The following TULP4 variants were observed in gnomAD, a reference collection of about 807,000 sequenced individuals.
TULP4 encodes the protein TUB like protein 4, also known as tubby-related protein 4.
Under a neutral mutation model 129.0 loss-of-function variants are expected in TULP4, and 16 were observed. The observed-to-expected ratio is 0.12, with a 90% CI of 0.08 to 0.19. The LOEUF (loss-of-function observed/expected upper bound fraction) is 0.19, where lower values mean the gene tolerates loss of function less well. Among genes scored for constraint, TULP4 ranks in the 10% least tolerant of loss-of-function variants. TULP4 has a pLI of 1.00. For synonymous variants in TULP4, 998 were observed against 854.0 expected (o/e 1.17, Z -2.94); for missense variants, 1,842 against 2,059.1 (o/e 0.89, Z 2.04).
intron 1 of TULP4, among the ~76,000 whole-genome samples, chr6:158,264,518 T>A (rs2128458889): frequency 6.6e-6 from 1 of 152,258 alleles, no homozygotes; most frequent in Non-Finnish European, 1.5e-5. Flanking sequence ...TAGTATGACA[T>A]CTTACTGGAG....
upstream of TULP4, among the ~76,000 whole-genome samples, chr6:158,279,722 C>T (rs1003142764): frequency 2.0e-5 from 3 of 152,196 alleles, no homozygotes; most frequent in African/African-American, 7.2e-5. Flanking sequence ...GGCCTCTTTC[C>T]TCCTCCTCCC....
chr6:158,396,547 C>T (rs1055918757), intron 1 of TULP4, among the ~76,000 whole-genome samples: 1 of 152,102 alleles, frequency 6.6e-6, no homozygotes, highest in African/African-American at 2.4e-5. Flanking sequence ...AGTTGATCCT[C>T]AGAAAATATA....
chr6:158,298,448 G>A (rs1779076386), intron 1 of TULP4, among the ~76,000 whole-genome samples: 1 of 152,096 alleles, frequency 6.6e-6, no homozygotes, highest in African/African-American at 2.4e-5. Context: ...CTCCGTTTGG[G>A]GTCCCTGACT....
rs1199409058 is a variant in TULP4, at chr6:158,493,656, A to T, written c.1715A>T (p.Lys572Met). 2 of 1,599,008 alleles carry T rather than the reference A, an allele frequency of 1.3e-6. No homozygotes were observed. Among genetic ancestry groups the T allele is most frequent in the Non-Finnish European group, 8.5e-7 (1 of 1,173,112 alleles). The change falls in exon 10 of 14, where the codon AAG (lysine) becomes ATG (methionine). Residue 572 changes from lysine (K) to methionine (M), a missense_variant. Lys to Met is a moderately conservative substitution (Grantham distance 95). This residue lies in a region of TULP4 where 456 missense variants were observed against 534.3 expected (regional missense o/e 0.85). Coordinates refer to ENST00000367097, the MANE Select transcript of TULP4 (RefSeq NM_020245.5). The surrounding 1 kb of genome is among the most constrained non-coding windows in gnomAD (Gnocchi z 4.4). ...LSRSPRLPLR[K>M]PSVGSPSLTR... is the part of the protein sequence containing the mutation. ...CGGTCCCCACGGTTGCCCCTGCGCAAGCCCTCTGTGGGCTCGCCCAGCCTG... is the reference window on the plus strand; with the variant it reads ...CGGTCCCCACGGTTGCCCCTGCGCATGCCCTCTGTGGGCTCGCCCAGCCTG...
chr6:158,245,870 A>G (rs1012386271), intron 1 of TULP4, among the ~76,000 whole-genome samples: 2 of 152,214 alleles, frequency 1.3e-5, no homozygotes, highest in Admixed American at 6.5e-5. Flanking sequence ...CTGAGCCGAG[A>G]GGATCTAAGC....
chr6:158,297,245 G>T (rs1483696221), intron 1 of TULP4, among the ~76,000 whole-genome samples: 1 of 152,130 alleles, frequency 6.6e-6, no homozygotes, highest in Non-Finnish European at 1.5e-5. Flanking sequence ...CCATTTATAG[G>T]CTCTCTGCAA....
intron 6 of TULP4, among the ~76,000 whole-genome samples, chr6:158,475,501 A>T (rs1779797893): frequency 6.6e-6 from 1 of 152,248 alleles, no homozygotes; most frequent in African/African-American, 2.4e-5. Flanking sequence ...AGAGATTAAG[A>T]CCGCAAACTT....
At chr6:158,417,921 A>T (rs1337354685) in intron 2 of TULP4, among the ~76,000 whole-genome samples, 1 of 152,136 alleles carries the variant, frequency 6.6e-6, no homozygotes, top group Non-Finnish European at 1.5e-5. Flanking sequence ...CGGCTGTACC[A>T]GGCACACACA....
intron 2 of TULP4, among the ~76,000 whole-genome samples, chr6:158,416,928 C>A (rs1325061743): frequency 1.3e-5 from 2 of 152,164 alleles, no homozygotes; most frequent in African/African-American, 4.8e-5. Flanking sequence ...CTACAGTGTT[C>A]AACACAATCA....
upstream of TULP4, among the ~76,000 whole-genome samples, chr6:158,309,308 G>A (rs1008404170): frequency 4.2e-4 from 60 of 144,018 alleles, 1 homozygote; most frequent in African/African-American, 1.5e-3. Context: ...GCGGGGCAGA[G>A]GCGCTCCCCA....
At chr6:158,336,425 CTT>C (rs138705950) in intron 1 of TULP4, among the ~76,000 whole-genome samples, 26,268 of 151,948 alleles carry the variant, frequency 0.17, 2,686 homozygotes, top group Middle Eastern at 0.26. Flanking sequence ...AGGTTTAAAA[CTT>C]TTTTTTATCT....
intron 1 of TULP4, among the ~76,000 whole-genome samples, chr6:158,341,072 T>A (rs1780170506): frequency 6.6e-6 from 1 of 152,192 alleles, no homozygotes; most frequent in Admixed American, 6.5e-5. Flanking sequence ...CCATGTTCTC[T>A]TTATTCCCTC....
chr6:158,503,439 C>T lies in TULP4; in HGVS notation c.3776C>T (p.Ala1259Val), dbSNP rs898651679. The T allele has an allele frequency of 8.1e-6, 13 of 1,614,032 alleles. No individual in the cohort carries two copies. Among genetic ancestry groups the T allele is most frequent in the Admixed American group, 1.7e-5 (1 of 60,012 alleles). The change falls in exon 13 of 14, where the codon GCC (alanine) becomes GTC (valine). Residue 1259 changes from alanine (A) to valine (V), a missense_variant. Ala to Val is a moderately conservative substitution (Grantham distance 64). Coordinates refer to ENST00000367097, the MANE Select transcript of TULP4 (RefSeq NM_020245.5). The surrounding 1 kb of genome is among the most constrained non-coding windows in gnomAD (Gnocchi z 4.3). The stretch of plus-strand genomic sequence containing the variant: ...TCTAGTTTACAGCTGCCACCTGTCG[C>T]CTTGCATCCATGGAGTTCCTACAGC... ...TCSSLQLPPV[A>V]LHPWSSYSAC...
At chr6:158,383,040 G>A (rs1777365078) in intron 1 of TULP4, among the ~76,000 whole-genome samples, 2 of 152,308 alleles carry the variant, frequency 1.3e-5, no homozygotes, top group South Asian at 2.1e-4. Flanking sequence ...TTTAGCCGTG[G>A]GTCATAAGAA....
At chr6:158,339,043 T>A (rs1780112122) in intron 1 of TULP4, among the ~76,000 whole-genome samples, 1 of 152,182 alleles carries the variant, frequency 6.6e-6, no homozygotes. Flanking sequence ...AAAAACACAT[T>A]GGTGTGCCAG....
chr6:158,442,088 T>G (rs578070079), intron 3 of TULP4, among the ~76,000 whole-genome samples: 5 of 152,248 alleles, frequency 3.3e-5, no homozygotes, highest in Non-Finnish European at 7.4e-5. Context: ...TATTATGGAT[T>G]AAATTTTGTC....
At chr6:158,255,638 A>G (rs1320655380) in intron 1 of TULP4, among the ~76,000 whole-genome samples, 1 of 152,222 alleles carries the variant, frequency 6.6e-6, no homozygotes. Flanking sequence ...TGGTCTGAGC[A>G]TGAAGCCAAC....
At position 158,236,795 on chromosome 6, in the gene TULP4, C is replaced by CTTTTCT. The variant is rs1554272522; in HGVS notation, n.68+4496_68+4497insCTTTTT. On this transcript the variant is annotated intron_variant and non_coding_transcript_variant, in intron 1 of 1. Transcript: ENST00000620026. ...AGATGGGTAAATGCCCAATTCTTTT[C>CTTTTCT]TTTTTTTTTTTTTTTTTTTTTTTTT... Among the ~76,000 whole-genome samples the CTTTTCT allele has an allele frequency of 6.3e-4, 40 of 63,302 alleles. 7 individuals are homozygous for CTTTTCT. The highest frequency in any genetic ancestry group is 9.6e-4 in the Non-Finnish European group (31 of 32,232). The allele number at this position is 63,302 out of a possible 152,430, so 41.5% of individuals were successfully genotyped here.
At chr6:158,241,841 C>T (rs1485120954) in intron 1 of TULP4, 9 of 617,300 alleles carry the variant, frequency 1.5e-5, no homozygotes, top group Non-Finnish European at 2.5e-5. Flanking sequence ...GATCTGCCTG[C>T]CTCCGCCTCC....
Sources: gnomAD v4.1 joint callset for allele counts (sites outside exome capture counted in the v4.1 genomes callset) on GRCh38, gnomAD v4.1.1 for gene constraint, gnomAD v4.1.1 regional missense constraint, Gnocchi (gnomAD v3.1) non-coding constraint, MANE v1.5 for transcripts, NCBI Gene and HGNC (gene_info 2026-07-23, HGNC 2026-07-21) for gene names.